Variants in MED1 observed in about 807,000 individuals in gnomAD.
The protein encoded by MED1 is mediator of RNA polymerase II transcription subunit 1.
A neutral mutation model predicts 121.3 loss-of-function variants in MED1; 17 were observed. That is an observed-to-expected ratio of 0.14 (90% confidence interval 0.10 to 0.21). The LOEUF (loss-of-function observed/expected upper bound fraction) is 0.21. Among genes scored for constraint, MED1 ranks in the 10% least tolerant of loss-of-function variants. The pLI, the probability that MED1 is intolerant of heterozygous loss-of-function variation, is 1.00. For synonymous variants in MED1, 661 were observed against 694.4 expected (o/e 0.95, Z 0.76); for missense variants, 1,558 against 1,919.4 (o/e 0.81, Z 3.52).
rs941021257 is a variant in MED1, at chr17:39,443,745, T to C, written c.133-117A>G. 7.8e-6 allele frequency: 6 copies of C among 768,258 alleles called. No individual in the cohort carries two copies. The African/African-American group carries it at 8.7e-5, about 11-fold the overall frequency. The allele number at this position is 768,258 out of a possible 1,614,324, so 47.6% of individuals were successfully genotyped here. ...AGGACAGTCTATAGACTCAATATAGTCTATAGATTTTGTAGACTATATAGA... is the reference window on the plus strand; with the variant it reads ...AGGACAGTCTATAGACTCAATATAGCCTATAGATTTTGTAGACTATATAGA... On this transcript the variant is annotated intron_variant, in intron 2 of 16. Transcript: ENST00000300651.
chr17:39,444,204 G>T (rs1937646468), intron 2 of MED1, among the ~76,000 whole-genome samples: 1 of 152,006 alleles, frequency 6.6e-6, no homozygotes, highest in Non-Finnish European at 1.5e-5. Flanking sequence ...AAATGAGATT[G>T]ACTCTAAAAA....
At chr17:39,436,030 C>T (rs553649918) in intron 6 of MED1, among the ~76,000 whole-genome samples, 2 of 152,038 alleles carry the variant, frequency 1.3e-5, no homozygotes, top group East Asian at 3.9e-4. Context: ...CGAGATTGCG[C>T]CACTGTACTC....
At chr17:39,411,811 C>CA (rs1386237920) in intron 16 of MED1, among the ~76,000 whole-genome samples, 1 of 151,692 alleles carries the variant, frequency 6.6e-6, no homozygotes, top group Non-Finnish European at 1.5e-5. Context: ...CCAGCCTGGC[C>CA]AACATAGTGA....
intron 3 of MED1, among the ~76,000 whole-genome samples, chr17:39,442,194 T>C (rs910653794): frequency 2.3e-4 from 35 of 151,788 alleles, no homozygotes; most frequent in African/African-American, 8.5e-4. Context: ...TCCCCAAAAA[T>C]AGAATTAGTC....
Position 39,410,372 on chromosome 17 carries a change from T to C in MED1, c.1849A>G (p.Thr617Ala), listed in dbSNP as rs766490798. Residue 617 changes from threonine (T) to alanine (A), a missense_variant, in exon 17 of 17, where the codon ACC (threonine) becomes GCC (alanine). By Grantham distance (58) the Thr-to-Ala change is moderately conservative. This residue lies in a region of MED1 where 793 missense variants were observed against 898.2 expected (regional missense o/e 0.88). Coordinates refer to ENST00000300651, the MANE Select transcript of MED1 (RefSeq NM_004774.4). ...GGAGGGGTCGGACTCGAGCCAATGGTAGACCCCCCGTTCCCTGTGATTTGC... is the reference window on the plus strand; with the variant it reads ...GGAGGGGTCGGACTCGAGCCAATGGCAGACCCCCCGTTCCCTGTGATTTGC... Reference protein sequence around the residue: ...LLQITGNGGSTIGSSPTPPHH... With the variant: ...LLQITGNGGSAIGSSPTPPHH... 8 of 1,613,954 alleles carry C rather than the reference T, an allele frequency of 5.0e-6. No individual in the cohort carries two copies. In the African/African-American group the frequency reaches 8.0e-5, roughly 16 times the overall value.
rs370201936 is a variant in MED1 at position 39,408,548 on chromosome 17, T to C, written c.3673A>G (p.Ile1225Val). The C allele has an allele frequency of 8.7e-6, 14 of 1,614,044 alleles. No homozygotes were observed. The highest frequency in any genetic ancestry group is 1.2e-5 in the Non-Finnish European group (14 of 1,180,036). Residue 1225 changes from isoleucine to valine, a missense_variant, in exon 17 of 17, where the codon ATC becomes GTC. Transcript: ENST00000300651. The surrounding 1 kb of genome is among the most constrained non-coding windows in gnomAD (Gnocchi z 4.7). ...TPPSSKAKSP[I>V]SSGSGGSHMS... Reference sequence around the variant, plus strand: ...TGAGAACCACCAGAACCTGAACTGATAGGGGACTTGGCTTTAGAGGATGGA... The same window carrying C: ...TGAGAACCACCAGAACCTGAACTGACAGGGGACTTGGCTTTAGAGGATGGA...
At chr17:39,427,912 G>T in intron 9 of MED1, 122 bp from the exon 10 acceptor site, 1 of 619,006 alleles carries the variant, frequency 1.6e-6, no homozygotes, top group Non-Finnish European at 2.7e-6. Flanking sequence ...GAAGAGTCAT[G>T]CTCCAAAACA....
intron 2 of MED1, among the ~76,000 whole-genome samples, chr17:39,444,894 C>A (rs11654153): frequency 0.57 from 85,840 of 150,794 alleles, 26,591 homozygotes; most frequent in South Asian, 0.8. Flanking sequence ...AACAAACAAA[C>A]AAAAAAAAAC....
chr17:39,405,881 T>TC lies in MED1; in HGVS notation c.*1593_*1594insG. 2.0e-6 allele frequency: 2 copies of TC among 985,256 alleles called. No individual in the cohort carries two copies. The highest frequency in any genetic ancestry group is 2.4e-6 in the Non-Finnish European group (2 of 830,152). 61.0% of individuals were successfully genotyped at this position (985,256 alleles called of 1,614,324 possible). ...CCATATATGATGAAGTCACTCCACT[T>TC]ACGACATAACACACAAAGGAATCAC... On this transcript the variant is annotated 3_prime_UTR_variant, in exon 17 of 17. Coordinates refer to ENST00000300651, the MANE Select transcript of MED1 (RefSeq NM_004774.4).
At position 39,433,796 on chromosome 17, in the gene MED1, A is replaced by C. The variant is rs35149345; in HGVS notation, c.500+453T>G. Among the ~76,000 whole-genome samples, 905 of 152,204 alleles carry C rather than the reference A, an allele frequency of 5.9e-3. 4 individuals carry two copies. The highest frequency in any genetic ancestry group is 0.014 in the Middle Eastern group (4 of 294). ...CTGGTATTGATCTCCTGAGCTCAAG[A>C]AATCTTCCTGTCTTGGCCTCCCAAT... On this transcript the variant is annotated intron_variant, in intron 7 of 16. Coordinates refer to ENST00000300651, the MANE Select transcript of MED1 (RefSeq NM_004774.4).
intron 3 of MED1, among the ~76,000 whole-genome samples, chr17:39,443,188 G>A (rs867037557): frequency 2.0e-5 from 3 of 151,296 alleles, no homozygotes; most frequent in African/African-American, 7.3e-5. Context: ...TTTTAGTAGA[G>A]ACAGGGTTTC....
chr17:39,413,215 T>C (rs933618928), intron 16 of MED1, among the ~76,000 whole-genome samples: 4 of 152,018 alleles, frequency 2.6e-5, no homozygotes. Flanking sequence ...GCTGGGATTA[T>C]AGGCACCTGC....
At chr17:39,411,421 G>A (rs866661873) in intron 16 of MED1, among the ~76,000 whole-genome samples, 1 of 151,566 alleles carries the variant, frequency 6.6e-6, no homozygotes, top group Non-Finnish European at 1.5e-5. Flanking sequence ...AGGAGTTTGA[G>A]ACCAGCCTGG....
chr17:39,437,327 T>C (rs1475331960), intron 6 of MED1, among the ~76,000 whole-genome samples: 1 of 152,086 alleles, frequency 6.6e-6, no homozygotes, highest in African/African-American at 2.4e-5. Context: ...ATCTGCTCAC[T>C]TCGACCTCCC....
chr17:39,432,129 G>C (rs1366164028), intron 7 of MED1, 113 bp from the exon 8 acceptor site: 4 of 672,798 alleles, frequency 5.9e-6, no homozygotes, highest in Non-Finnish European at 1.0e-5. Flanking sequence ...GATCACCTGA[G>C]GTCAGGAGTT....
At position 39,406,446 on chromosome 17, in the gene MED1, TAGG is replaced by T. The variant is rs2048304323; in HGVS notation, c.*1026_*1028del. 1.0e-6 allele frequency: 1 copy of T among 985,272 alleles called. No individual in the cohort carries two copies. Among genetic ancestry groups the T allele is most frequent in the Non-Finnish European group, 1.2e-6 (1 of 829,938 alleles). 61.0% of individuals were successfully genotyped at this position (985,272 alleles called of 1,614,324 possible). A position where few individuals can be genotyped will look rare whatever the true frequency, so the allele number is the denominator to read the frequency against. On this transcript the variant is annotated 3_prime_UTR_variant, in exon 17 of 17. Transcript: ENST00000300651. ...GCAGACTTTTGGCACATTGTGGAAG[TAGG>T]AGAACTATTAATCCTGTAATGGTTT...
Position 39,410,056 on chromosome 17 carries a change from G to A in MED1, c.2165C>T (p.Pro722Leu). 3 of 1,614,100 alleles carry A rather than the reference G, an allele frequency of 1.9e-6. No homozygotes were observed. Among genetic ancestry groups the A allele is most frequent in the Non-Finnish European group, 2.5e-6 (3 of 1,180,022 alleles). ...LFSMDVDSQNPIFDVNMTADT... is the reference protein window; with the variant it reads ...LFSMDVDSQNLIFDVNMTADT... ...AGCTGTCATGTTGACATCAAAGATAGGGTTCTGTGAGTCAACATCCATTGA... is the reference window on the plus strand; with the variant it reads ...AGCTGTCATGTTGACATCAAAGATAAGGTTCTGTGAGTCAACATCCATTGA... Residue 722 changes from proline (P) to leucine (L), a missense_variant, in exon 17 of 17, where the codon CCT becomes CTT. Transcript: ENST00000300651.
Position 39,423,869 on chromosome 17 carries a change from A to T in MED1, c.852-48T>A, listed in dbSNP as rs746718507. 5 of 1,555,124 alleles carry T rather than the reference A, an allele frequency of 3.2e-6. No individual in the cohort carries two copies. The African/African-American group carries it at 7.0e-5, about 22-fold the overall frequency. ...GGGTTGGATTCTGACTTGATATAAAAATGAAAAACCCAAACACCTTTTTTT... is the reference window on the plus strand; with the variant it reads ...GGGTTGGATTCTGACTTGATATAAATATGAAAAACCCAAACACCTTTTTTT... On this transcript the variant is annotated intron_variant, in intron 11 of 16. Transcript: ENST00000300651.
In MED1 at chr17:39,415,112, G is replaced by A. The variant is rs1466423492; in HGVS notation, c.1413C>T (p.Asp471=). The change falls in exon 16 of 17, where the codon GAC becomes GAT. Residue 471 remains aspartate, a synonymous_variant. Transcript: ENST00000300651. Reference sequence around the variant, plus strand: ...AGAGTTTACAGCTCACATGTGTTGAGTCCTGCACATCCATTACCACTGAAA... The same window carrying A: ...AGAGTTTACAGCTCACATGTGTTGAATCCTGCACATCCATTACCACTGAAA... ...SLVCVVMDVQ[D]STHVSCKLYK... 1.9e-6 allele frequency: 3 copies of A among 1,614,034 alleles called. No homozygotes were observed. The South Asian group carries it at 3.3e-5, about 18-fold the overall frequency.
Sources: gnomAD v4.1 joint callset for allele counts (sites outside exome capture counted in the v4.1 genomes callset) on GRCh38, gnomAD v4.1.1 for gene constraint, gnomAD v4.1.1 regional missense constraint, Gnocchi (gnomAD v3.1) non-coding constraint, MANE v1.5 for transcripts, NCBI Gene and HGNC (gene_info 2026-07-23, HGNC 2026-07-21) for gene names.